The following PRDM11 variants were observed in gnomAD, a reference collection of about 807,000 sequenced individuals.
PRDM11 encodes PR/SET domain 11.
PRDM11 carries 20 observed loss-of-function variants against 97.8 expected under a neutral mutation model. The observed-to-expected ratio is 0.20, with a 90% CI of 0.14 to 0.30. PRDM11 has a LOEUF of 0.30. Ranked by LOEUF, PRDM11 falls within the 10% of genes least tolerant of loss-of-function variation. The pLI is 1.00. For missense variants in PRDM11, 1,139 were observed against 1,555.2 expected, an observed-to-expected ratio of 0.73 and a Z score of 4.50; for synonymous variants, 599 against 637.7, an observed-to-expected ratio of 0.94 and a Z score of 0.91.
At chr11:45,148,769 C>T (rs1200788981) in intron 1 of PRDM11, among the ~76,000 whole-genome samples, 2 of 152,158 alleles carry the variant, frequency 1.3e-5, no homozygotes, top group African/African-American at 2.4e-5. Context: ...CCTGGACTTA[C>T]AGGGAGTTTC....
At chr11:45,225,525 G>A (rs137917925) in intron 7 of PRDM11, among the ~76,000 whole-genome samples, 12 of 152,256 alleles carry the variant, frequency 7.9e-5, no homozygotes, top group African/African-American at 1.4e-4. Flanking sequence ...CAAAGCATGC[G>A]TCTGAACTAA....
chr11:45,171,642 C>A (rs1245859495), intron 1 of PRDM11, among the ~76,000 whole-genome samples: 1 of 152,166 alleles, frequency 6.6e-6, no homozygotes, highest in African/African-American at 2.4e-5. Context: ...GTGCTGGGCC[C>A]ATCTGGAATG....
chr11:45,094,811 G>A (rs143210505), upstream of PRDM11, among the ~76,000 whole-genome samples: 1,523 of 141,110 alleles, frequency 0.011, 16 homozygotes, highest in Non-Finnish European at 0.019. Flanking sequence ...AGAAGGAAGG[G>A]AGGAAGGAGA....
chr11:45,101,028 T>TTG (rs771806261), intron 1 of PRDM11, among the ~76,000 whole-genome samples: 14 of 152,218 alleles, frequency 9.2e-5, no homozygotes, highest in East Asian at 3.9e-4. Context: ...TATTGTGGCT[T>TTG]TGTGTGTGTG....
At position 45,193,506 on chromosome 11, in the gene PRDM11, C is replaced by T. The variant is rs1852988010; in HGVS notation, c.486+10383C>T. ...CTATACAGTGTCTGTCTCAATGACT[C>T]AATTCTGCCATCATGGTGCAAAAGC... is the stretch of plus-strand genomic sequence containing the variant. On this transcript the variant is annotated intron_variant, in intron 4 of 7. Coordinates refer to ENST00000683152, the MANE Select transcript of PRDM11 (RefSeq NM_001384648.1). 2.0e-5 allele frequency among the ~76,000 whole-genome samples: 3 copies of T among 152,280 alleles called. No individual in the cohort carries two copies. In the South Asian group the frequency reaches 6.2e-4, roughly 32 times the overall value.
chr11:45,145,418 C>G (rs1851484936), upstream of PRDM11, among the ~76,000 whole-genome samples: 1 of 151,434 alleles, frequency 6.6e-6, no homozygotes, highest in African/African-American at 2.4e-5. Context: ...ACCATGAACG[C>G]CCATCTGACC....
intron 1 of PRDM11, among the ~76,000 whole-genome samples, chr11:45,124,037 G>A (rs1852506983): frequency 6.7e-6 from 1 of 149,002 alleles, no homozygotes; most frequent in Non-Finnish European, 1.5e-5. Context: ...GTGGTTTGTA[G>A]TTCTCCTTGA....
At chr11:45,121,691 G>T (rs750516590) in intron 1 of PRDM11, among the ~76,000 whole-genome samples, 19 of 152,024 alleles carry the variant, frequency 1.2e-4, no homozygotes, top group Non-Finnish European at 2.4e-4. Context: ...ACTACACAAT[G>T]GGTCATAAAG....
intron 5 of PRDM11, among the ~76,000 whole-genome samples, chr11:45,206,698 G>T (rs770473401): frequency 3.3e-5 from 5 of 152,224 alleles, no homozygotes; most frequent in African/African-American, 4.8e-5. Flanking sequence ...ACTTAATTGG[G>T]CTGGGGATTG....
chr11:45,145,945 G>GC (rs1271838826), upstream of PRDM11, among the ~76,000 whole-genome samples: 1 of 152,184 alleles, frequency 6.6e-6, no homozygotes, highest in Non-Finnish European at 1.5e-5. Context: ...GAGGAATCGA[G>GC]CAAGTGAATG....
intron 4 of PRDM11, among the ~76,000 whole-genome samples, chr11:45,194,542 A>G (rs1853031870): frequency 6.6e-6 from 1 of 151,352 alleles, no homozygotes; most frequent in South Asian, 2.1e-4. Flanking sequence ...ACTGAGTACT[A>G]AATGATTTGT....
chr11:45,127,553 C>T (rs1852604459), intron 1 of PRDM11, among the ~76,000 whole-genome samples: 2 of 152,232 alleles, frequency 1.3e-5, no homozygotes, highest in Admixed American at 1.3e-4. Context: ...TTCCTTCTAA[C>T]AGACAGGACC....
At chr11:45,132,171 G>A (rs1044184233) in intron 1 of PRDM11, among the ~76,000 whole-genome samples, 13 of 152,180 alleles carry the variant, frequency 8.5e-5, no homozygotes, top group Non-Finnish European at 1.6e-4. Context: ...AACCAATCAT[G>A]ATTGGATTCC....
intron 1 of PRDM11, among the ~76,000 whole-genome samples, chr11:45,097,421 A>G (rs971522840): frequency 1.3e-5 from 2 of 152,206 alleles, no homozygotes; most frequent in African/African-American, 4.8e-5. Context: ...TTGCCAGCAC[A>G]TTTACCTACA....
intron 1 of PRDM11, among the ~76,000 whole-genome samples, chr11:45,112,160 T>C (rs572678778): frequency 6.6e-6 from 1 of 152,308 alleles, no homozygotes; most frequent in African/African-American, 2.4e-5. Flanking sequence ...TGCATCCTCA[T>C]AGCTTAGCTC....
At chr11:45,110,965 C>T (rs1207538240) in intron 1 of PRDM11, among the ~76,000 whole-genome samples, 2 of 151,964 alleles carry the variant, frequency 1.3e-5, no homozygotes, top group Admixed American at 6.6e-5. Context: ...ATTTCCACAA[C>T]TATTTTTAAT....
intron 1 of PRDM11, among the ~76,000 whole-genome samples, chr11:45,125,621 T>C (rs940395901): frequency 6.6e-6 from 1 of 152,188 alleles, no homozygotes; most frequent in African/African-American, 2.4e-5. Context: ...CAGGAGCAGG[T>C]TGTTCAGTTT....
chr11:45,192,996 C>T (rs1565310057), intron 4 of PRDM11, among the ~76,000 whole-genome samples: 1 of 152,182 alleles, frequency 6.6e-6, no homozygotes. Flanking sequence ...TTTGGAATGC[C>T]TGTACTTTTG....
intron 1 of PRDM11, among the ~76,000 whole-genome samples, chr11:45,154,632 C>G (rs747496543): frequency 2.0e-4 from 31 of 151,950 alleles, no homozygotes; most frequent in Non-Finnish European, 2.8e-4. Context: ...GCCTCTGGAG[C>G]CTTCAGTGCC....
Sources: gnomAD v4.1 joint callset for allele counts (sites outside exome capture counted in the v4.1 genomes callset) on GRCh38, gnomAD v4.1.1 for gene constraint, MANE v1.5 for transcripts, NCBI Gene and HGNC (gene_info 2026-07-23, HGNC 2026-07-21) for gene names.